NCOA1: variants seen among roughly 807,000 people sequenced by gnomAD.
NCOA1 encodes nuclear receptor coactivator 1.
NCOA1 carries 35 observed loss-of-function variants against 150.9 expected under a neutral mutation model. The observed-to-expected ratio is 0.23, with a 90% CI of 0.18 to 0.31. The LOEUF is 0.31. NCOA1 is among the 10% of genes least tolerant of loss of function. The probability of loss-of-function intolerance (pLI) is 1.00; values close to 1 mark genes in which losing one functional copy is unlikely to be tolerated. For synonymous variants in NCOA1, 590 were observed against 630.0 expected (o/e 0.94, Z 0.95); for missense variants, 1,491 against 1,749.3 (o/e 0.85, Z 2.63).
At chr2:24,604,781 A>C (rs902274495) in intron 3 of NCOA1, among the ~76,000 whole-genome samples, 13 of 152,198 alleles carry the variant, frequency 8.5e-5, no homozygotes, top group Non-Finnish European at 4.4e-5. Flanking sequence ...CTGGAGTAGC[A>C]CTTTAAATTT....
At chr2:24,639,289 A>T (rs915492567) in intron 3 of NCOA1, among the ~76,000 whole-genome samples, 6 of 152,130 alleles carry the variant, frequency 3.9e-5, no homozygotes, top group African/African-American at 7.2e-5. Flanking sequence ...TAAATAAAAT[A>T]AAAAAATTAA....
intron 14 of NCOA1, among the ~76,000 whole-genome samples, chr2:24,719,667 C>G (rs965493892): frequency 2.0e-5 from 3 of 152,036 alleles, no homozygotes; most frequent in Admixed American, 2.0e-4. Context: ...CCAAAAGAGA[C>G]GGAGGAAGCA....
At chr2:24,736,481 C>A (rs1354494890) in intron 17 of NCOA1, among the ~76,000 whole-genome samples, 3 of 152,046 alleles carry the variant, frequency 2.0e-5, no homozygotes, top group Non-Finnish European at 4.4e-5. Flanking sequence ...ATTATAAGAA[C>A]CACTATTGAT....
At chr2:24,663,944 C>T (rs1301960353) in intron 5 of NCOA1, among the ~76,000 whole-genome samples, 1 of 152,114 alleles carries the variant, frequency 6.6e-6, no homozygotes, top group African/African-American at 2.4e-5. Context: ...GAGAGTTCCA[C>T]GAAGAGAGTC....
chr2:24,552,807 T>A (rs1665915989), intron 1 of NCOA1, among the ~76,000 whole-genome samples: 2 of 152,272 alleles, frequency 1.3e-5, no homozygotes, highest in Admixed American at 1.3e-4. Context: ...TGTAATTTTG[T>A]GTGTTGACCT....
intron 21 of NCOA1, among the ~76,000 whole-genome samples, chr2:24,760,909 G>A (rs553983840): frequency 1.4e-4 from 22 of 152,060 alleles, no homozygotes; most frequent in Non-Finnish European, 2.8e-4. Flanking sequence ...GTGTAATGGC[G>A]CAGTCTCCAC....
At chr2:24,583,184 C>T (rs1039784151) in intron 2 of NCOA1, among the ~76,000 whole-genome samples, 2 of 151,864 alleles carry the variant, frequency 1.3e-5, no homozygotes, top group African/African-American at 4.8e-5. Flanking sequence ...AGATTAATAT[C>T]AAAAATAAGT....
Position 24,707,129 on chromosome 2 carries a change from C to T in NCOA1, c.1659C>T (p.Gly553=), listed in dbSNP as rs779352205. The change falls in exon 13 of 23, where the codon GGC becomes GGT. Residue 553 remains glycine, a synonymous_variant. Transcript: ENST00000348332. ...ATGAAGGACCCAATAACTCCGTTGG[C>T]TTCTCTGCCAGTTCTCCAGTCCTCA... ...GMNEGPNNSV[G]FSASSPVLRQ... 6.2e-7 allele frequency: 1 copy of T among 1,614,230 alleles called. No homozygotes were observed. The highest frequency in any genetic ancestry group is 8.5e-7 in the Non-Finnish European group (1 of 1,180,030).
rs61155885 is a variant in NCOA1, at chr2:24,547,689, T to TAA, written c.-395-16599_-395-16598dup. ...ATGTATTCATATATCATGAGATTGT[T>TAA]AAAAAAAAGGATGAGGGAGCCAGGT... On this transcript the variant is annotated intron_variant, in intron 1 of 22. Transcript: ENST00000348332. 4.7e-3 allele frequency among the ~76,000 whole-genome samples: 707 copies of TAA among 151,516 alleles called. 6 individuals carry two copies. The highest frequency in any genetic ancestry group is 7.4e-3 in the Admixed American group (113 of 15,212).
intron 11 of NCOA1, among the ~76,000 whole-genome samples, chr2:24,701,681 CT>C (rs1276848417): frequency 6.6e-6 from 1 of 152,184 alleles, no homozygotes; most frequent in African/African-American, 2.4e-5. Flanking sequence ...TCTCTATTAA[CT>C]TTATATTAAA....
At chr2:24,710,468 G>A (rs1030717364) in intron 13 of NCOA1, among the ~76,000 whole-genome samples, 2 of 151,972 alleles carry the variant, frequency 1.3e-5, no homozygotes, top group Admixed American at 6.6e-5. Context: ...CTTTAAAGCT[G>A]ATAAATAATT....
chr2:24,627,977 C>T (rs1187721728), intron 3 of NCOA1, among the ~76,000 whole-genome samples: 2 of 152,146 alleles, frequency 1.3e-5, no homozygotes, highest in Non-Finnish European at 2.9e-5. Flanking sequence ...CTGTTCTCAC[C>T]TTCAAATCTG....
Position 24,491,414 on chromosome 2 carries a change from T to C in NCOA1, c.-584T>C, listed in dbSNP as rs1163043050. ...AGGGCCTCCGCCGCCTGTTCGCTGC[T>C]GCTCCCTCGAGCGGAGCCTGCGTCA... On this transcript the variant is annotated 5_prime_UTR_variant, in exon 1 of 23. Coordinates refer to ENST00000348332, the MANE Select transcript of NCOA1 (RefSeq NM_003743.5). Among the ~76,000 whole-genome samples the C allele has an allele frequency of 9.6e-6, 1 of 103,786 alleles. No individual in the cohort carries two copies. The highest frequency in any genetic ancestry group is 2.2e-5 in the Non-Finnish European group (1 of 45,464). 68.1% of individuals were successfully genotyped at this position (103,786 alleles called of 152,430 possible).
rs572839305 is a variant in NCOA1, at chr2:24,736,727, G to A, written c.3202-2705G>A. Among the ~76,000 whole-genome samples the A allele has an allele frequency of 6.6e-5, 10 of 152,258 alleles. No homozygotes were observed. In the South Asian group the frequency reaches 2.1e-3, roughly 32 times the overall value. On this transcript the variant is annotated intron_variant, in intron 17 of 22. Transcript: ENST00000348332. ...TGGGGCTGGGTAATTCTTGTTATGG[G>A]GGAGATGTTGTGTGCATTAAGGATG...
chr2:24,677,214 C>T (rs1391150842), intron 7 of NCOA1, among the ~76,000 whole-genome samples: 1 of 152,062 alleles, frequency 6.6e-6, no homozygotes, highest in Non-Finnish European at 1.5e-5. Context: ...CATGGTGGCA[C>T]ATGCCTGTAA....
intron 5 of NCOA1, among the ~76,000 whole-genome samples, chr2:24,663,780 A>G (rs1046219435): frequency 3.9e-5 from 6 of 152,086 alleles, no homozygotes; most frequent in African/African-American, 1.4e-4. Context: ...TAGTCATTTT[A>G]TAGACACCTT....
At position 24,621,432 on chromosome 2, in the gene NCOA1, A is replaced by ATTTTT. The variant is rs1162282258; in HGVS notation, c.-174-22505_-174-22501dup. ...TTGTGTTATGTGTGTATTCAGGCAG[A>ATTTTT]TTTTTTTTTTTTTTTTTTTTTTTTT... On this transcript the variant is annotated intron_variant, in intron 3 of 22. Coordinates refer to ENST00000348332, the MANE Select transcript of NCOA1 (RefSeq NM_003743.5). Among the ~76,000 whole-genome samples the ATTTTT allele has an allele frequency of 9.0e-3, 352 of 38,900 alleles. 80 individuals carry two copies. Among genetic ancestry groups the ATTTTT allele is most frequent in the African/African-American group, 0.015 (132 of 8,604 alleles). 25.5% of individuals were successfully genotyped at this position (38,900 alleles called of 152,430 possible).
At chr2:24,682,821 A>C (rs541478671) in intron 7 of NCOA1, 130 bp from the exon 8 acceptor site, 2 of 702,022 alleles carry the variant, frequency 2.8e-6, no homozygotes, top group South Asian at 4.4e-5. Flanking sequence ...CCTGCGTATC[A>C]CAATTTCCTT....
chr2:24,622,488 A>G (rs543901567), intron 3 of NCOA1, among the ~76,000 whole-genome samples: 1 of 152,284 alleles, frequency 6.6e-6, no homozygotes, highest in South Asian at 2.1e-4. Flanking sequence ...ATGTCTTTGT[A>G]CTTTTGATTA....
Sources: gnomAD v4.1 joint callset for allele counts (sites outside exome capture counted in the v4.1 genomes callset) on GRCh38, gnomAD v4.1.1 for gene constraint, MANE v1.5 for transcripts, NCBI Gene and HGNC (gene_info 2026-07-23, HGNC 2026-07-21) for gene names.